The following REXO1 variants were observed in gnomAD, a reference collection of about 807,000 sequenced individuals.
REXO1 encodes the protein RNA exonuclease 1 homolog.
Under a neutral mutation model 102.6 loss-of-function variants are expected in REXO1, and 42 were observed. The observed-to-expected ratio is 0.41, with a 90% confidence interval of 0.32 to 0.53. The LOEUF is 0.53. REXO1 is among the 20% of genes least tolerant of loss of function. The pLI is 0.27. For synonymous variants in REXO1, 908 were observed against 779.1 expected, an observed-to-expected ratio of 1.17 and a Z score of -2.76; for missense variants, 1,819 against 1,732.5, an observed-to-expected ratio of 1.05 and a Z score of -0.89.
In REXO1 at chr19:1,833,628, C is replaced by T. The variant is rs148646997; in HGVS notation, c.158-4997G>A. On this transcript the variant is annotated intron_variant, in intron 1 of 15. Transcript: ENST00000170168. Reference sequence around the variant, plus strand: ...CAGCCCCCACCCAGGGGGAGGGCTGCGGAGGCCAGCAGCAGCTCAAGGGCG... The same window carrying T: ...CAGCCCCCACCCAGGGGGAGGGCTGTGGAGGCCAGCAGCAGCTCAAGGGCG... 6.3e-3 allele frequency among the ~76,000 whole-genome samples: 957 copies of T among 152,268 alleles called. 6 individuals carry two copies. The highest frequency in any genetic ancestry group is 0.011 in the Non-Finnish European group (725 of 68,012).
chr19:1,819,777 G>C (rs2069477178), intron 7 of REXO1, among the ~76,000 whole-genome samples, 157 bp downstream of exon 7: 1 of 152,222 alleles, frequency 6.6e-6, no homozygotes, highest in Non-Finnish European at 1.5e-5. Flanking sequence ...AGAAGCCTGG[G>C]AACCAGGCAG....
At chr19:1,820,192 G>T in intron 6 of REXO1, 72 bp downstream of exon 6, 1 of 1,564,412 alleles carries the variant, frequency 6.4e-7, no homozygotes. Flanking sequence ...TGAGAGGCCG[G>T]GGGATGTCTG....
chr19:1,817,153 GGGCGGCCGCACCA>G, intron 12 of REXO1, 53 bp downstream of exon 12: 1 of 1,585,920 alleles, frequency 6.3e-7, no homozygotes, highest in Non-Finnish European at 8.5e-7. Context: ...GGGCCAGATG[GGGCGGCCGCACCA>G]GGCCAGGTCC....
At chr19:1,817,043 C>T (rs2069387148) in intron 12 of REXO1, 176 bp downstream of exon 12, 1 of 833,634 alleles carries the variant, frequency 1.2e-6, no homozygotes, top group South Asian at 1.7e-5. Flanking sequence ...GTGTGCTTGG[C>T]TCTGCTGGGA....
In REXO1 at chr19:1,828,017, G is replaced by A. The variant is rs777582502; in HGVS notation, c.772C>T (p.Arg258Trp). 8.1e-6 allele frequency: 13 copies of A among 1,612,526 alleles called. No homozygotes were observed. The highest frequency in any genetic ancestry group is 3.3e-5 in the South Asian group (3 of 91,024). The change falls in exon 2 of 16, where the codon CGG (arginine) becomes TGG (tryptophan). Residue 258 changes from arginine (R) to tryptophan (W), a missense_variant. Arg to Trp is a moderately radical substitution (Grantham distance 101, BLOSUM62 -3). Transcript: ENST00000170168. ...TCACTGCCGCGGGAGCCCCGGGGCC[G>A]CTTGGCGGCCCGCTCATCCCGGGAG... ...ASSRDERAAK[R>W]PRGSRGSEPY...
At chr19:1,831,617 C>A (rs961396703) in intron 1 of REXO1, among the ~76,000 whole-genome samples, 6 of 151,374 alleles carry the variant, frequency 4.0e-5, no homozygotes, top group African/African-American at 1.2e-4. Context: ...CTGAGGCGGG[C>A]GGATCACCTG....
At position 1,818,812 on chromosome 19, in the gene REXO1, G is replaced by T. The variant is rs766665692; in HGVS notation, c.2796C>A (p.Tyr932Ter). ...CCTTGAGCTGGTCCTGGGTGAGCAG[G>T]TACTCCCTGAGGCGGCTGTACAGGG... ...GAALYSRLRE[Y>*]LLTQDQLKEN... Residue 932 changes from tyrosine to a stop codon, truncating the protein, a stop_gained, in exon 9 of 16, where the codon TAC becomes TAA. Coordinates refer to ENST00000170168, the MANE Select transcript of REXO1 (RefSeq NM_020695.4). LOFTEE classifies it high-confidence loss of function. 6.2e-7 allele frequency: 1 copy of T among 1,609,426 alleles called. No individual in the cohort carries two copies. Among genetic ancestry groups the T allele is most frequent in the Non-Finnish European group, 8.5e-7 (1 of 1,179,868 alleles).
Position 1,828,498 on chromosome 19 carries a change from G to T in REXO1, c.291C>A (p.Ala97=), listed in dbSNP as rs202187038. The T allele has an allele frequency of 6.2e-6, 10 of 1,604,988 alleles. No homozygotes were observed. Among genetic ancestry groups the T allele is most frequent in the Non-Finnish European group, 8.5e-6 (10 of 1,179,814 alleles). Residue 97 remains alanine (A), a synonymous_variant, in exon 2 of 16, where the codon GCC becomes GCA. Transcript: ENST00000170168. ...GCTCCAGCTCCACCTCACTGCGCAC[G>T]GCCTCGATGGCCTGGTTGACCAGCT... The part of the protein sequence containing the change: ...ELELVNQAIE[A]VRSEVELEQR...
intron 7 of REXO1, among the ~76,000 whole-genome samples, chr19:1,819,417 G>A (rs969574624): frequency 1.3e-5 from 2 of 151,990 alleles, no homozygotes; most frequent in African/African-American, 2.4e-5. Context: ...GGGAAGGGCG[G>A]GGAGAACAGC....
chr19:1,834,498 T>C (rs1028178791), intron 1 of REXO1, among the ~76,000 whole-genome samples: 15 of 152,014 alleles, frequency 9.9e-5, no homozygotes, highest in Non-Finnish European at 1.8e-4. Flanking sequence ...CGCTGAAGCT[T>C]TGCCTCCCCG....
intron 1 of REXO1, among the ~76,000 whole-genome samples, chr19:1,846,288 A>G (rs2011536047): frequency 6.6e-6 from 1 of 152,192 alleles, no homozygotes; most frequent in African/African-American, 2.4e-5. Context: ...CCTGATGAAC[A>G]TGTCACGGAG....
intron 8 of REXO1, 26 bp from the exon 9 acceptor site, chr19:1,818,869 CCT>C: frequency 1.9e-6 from 3 of 1,607,106 alleles, no homozygotes; most frequent in Non-Finnish European, 2.5e-6. Context: ...GTGGTCAGCC[CCT>C]GCCTGGGATG....
intron 1 of REXO1, among the ~76,000 whole-genome samples, chr19:1,837,914 C>T (rs2070087743): frequency 6.6e-6 from 1 of 152,260 alleles, no homozygotes; most frequent in South Asian, 2.1e-4. Flanking sequence ...GGCGGCCGTC[C>T]CCACATGCCA....
intron 4 of REXO1, 101 bp from the exon 5 acceptor site, chr19:1,821,783 C>A: frequency 9.2e-7 from 1 of 1,082,508 alleles, no homozygotes; most frequent in South Asian, 1.5e-5. Context: ...GCAGCACGTG[C>A]ATCTCCGCGT....
chr19:1,818,678 C>T (rs200698056), intron 9 of REXO1, 28 bp downstream of exon 9: 404 of 1,610,012 alleles, frequency 2.5e-4, no homozygotes, highest in Middle Eastern at 4.1e-4. Flanking sequence ...CACCTGCCCA[C>T]CTAGGCCGTC....
rs199594531 is a variant in REXO1, at chr19:1,819,921, C to G, written c.2650+13G>C. The G allele has an allele frequency of 6.4e-6, 10 of 1,567,090 alleles. No homozygotes were observed. Among genetic ancestry groups the G allele is most frequent in the Non-Finnish European group, 7.8e-6 (9 of 1,160,222 alleles). ...CAACCCTGAGCCTCCCCCGCCCACC[C>G]GCCAGGACTCACTGCTGAGGCCGGG... On this transcript the variant is annotated intron_variant, in intron 7 of 15. Transcript: ENST00000170168.
chr19:1,837,168 A>T (rs1435701452), intron 1 of REXO1, among the ~76,000 whole-genome samples: 2 of 152,222 alleles, frequency 1.3e-5, no homozygotes, highest in Non-Finnish European at 2.9e-5. Flanking sequence ...CCATCCCATA[A>T]CAGACCCTCT....
In REXO1 at chr19:1,833,043, G is replaced by A. The variant is rs1055538737; in HGVS notation, c.158-4412C>T. The stretch of plus-strand genomic sequence containing the variant: ...TCAAGACCAGCCTAGGCAACACGGC[G>A]AGACCCCGTCTCTACAAAAAAATAC... On this transcript the variant is annotated intron_variant, in intron 1 of 15. Transcript: ENST00000170168. Among the ~76,000 whole-genome samples the A allele has an allele frequency of 3.9e-5, 6 of 152,016 alleles. No homozygotes were observed. The South Asian group carries it at 1.0e-3, about 26-fold the overall frequency.
At position 1,820,275 on chromosome 19, in the gene REXO1, C is replaced by T. The variant is rs754086004; in HGVS notation, c.2515G>A (p.Ala839Thr). Reference protein sequence around the residue: ...CLKFCTSNQEAIEKALNEEKV... With the variant: ...CLKFCTSNQETIEKALNEEKV... ...CTCCAGGACCTCACCTTCTCTATGGCCTCCTGGTTGGAGGTACAGAACTTG... is the reference window on the plus strand; with the variant it reads ...CTCCAGGACCTCACCTTCTCTATGGTCTCCTGGTTGGAGGTACAGAACTTG... The change falls in exon 6 of 16, where the codon GCC becomes ACC. Residue 839 changes from alanine (A) to threonine (T), a missense_variant. By Grantham distance (58) the Ala-to-Thr change is moderately conservative. Coordinates refer to ENST00000170168, the MANE Select transcript of REXO1 (RefSeq NM_020695.4). The T allele has an allele frequency of 6.2e-7, 1 of 1,613,128 alleles. No individual in the cohort carries two copies. The highest frequency in any genetic ancestry group is 8.5e-7 in the Non-Finnish European group (1 of 1,179,616).
Sources: allele counts gnomAD v4.1 joint callset (sites outside exome capture counted in the v4.1 genomes callset), GRCh38; gene constraint gnomAD v4.1.1; transcripts MANE v1.5; gene names NCBI Gene and HGNC (gene_info 2026-07-23, HGNC 2026-07-21).